Variants in PRAMEF15 observed in about 807,000 individuals in gnomAD.
PRAMEF15 encodes PRAME family member 9/15.
PRAMEF15 carries 21 observed loss-of-function variants against 35.3 expected under a neutral mutation model. The ratio of observed to expected loss-of-function variants is 0.59; its 90% CI spans 0.42 to 0.86. PRAMEF15 has a LOEUF of 0.86. Ranked by LOEUF, PRAMEF15 falls within the 40% of genes least tolerant of loss-of-function variation. The pLI, the probability that PRAMEF15 is intolerant of heterozygous loss-of-function variation, is 0.00. For missense variants in PRAMEF15, 360 were observed against 574.1 expected, an observed-to-expected ratio of 0.63 and a Z score of 3.81; for synonymous variants, 122 against 223.3, an observed-to-expected ratio of 0.55 and a Z score of 4.05.
chr1:13,319,228 G>A, intron 2 of PRAMEF15, 144 bp from the exon 3 acceptor site: 1 of 1,419,754 alleles, frequency 7.0e-7, no homozygotes, highest in South Asian at 1.3e-5. Context: ...GTGGAAGTGG[G>A]CAGGATCCAA....
chr1:13,319,303 T>C, intron 2 of PRAMEF15, 69 bp from the exon 3 acceptor site: 1 of 1,597,362 alleles, frequency 6.3e-7, no homozygotes, highest in Non-Finnish European at 8.5e-7. Flanking sequence ...GGAGCTGCTA[T>C]CCAGGATGTG....
At chr1:13,317,589 G>A (rs1297555472) in intron 1 of PRAMEF15, among the ~76,000 whole-genome samples, 27 of 151,986 alleles carry the variant, frequency 1.8e-4, no homozygotes, top group African/African-American at 5.8e-4. Context: ...ACAACATAGC[G>A]AAATCCACTG....
intron 1 of PRAMEF15, among the ~76,000 whole-genome samples, chr1:13,317,705 G>A (rs1329120771): frequency 6.6e-6 from 1 of 151,632 alleles, no homozygotes; most frequent in Non-Finnish European, 1.5e-5. Context: ...TGAGCTGGGA[G>A]GTCAAGGCTG....
chr1:13,321,433 T>G (rs1242702850), intron 3 of PRAMEF15, among the ~76,000 whole-genome samples: 4 of 151,630 alleles, frequency 2.6e-5, no homozygotes, highest in Admixed American at 1.3e-4. Context: ...CAGGCTGGTC[T>G]CAAACTCCTG....
chr1:13,316,546 G>A (rs1640007608), intron 1 of PRAMEF15, among the ~76,000 whole-genome samples: 1 of 151,946 alleles, frequency 6.6e-6, no homozygotes, highest in Admixed American at 6.6e-5. Context: ...TCCCAGCTAT[G>A]TGGAAGGCTG....
chr1:13,316,541 G>T (rs1285047557), intron 1 of PRAMEF15, among the ~76,000 whole-genome samples: 2 of 151,946 alleles, frequency 1.3e-5, no homozygotes, highest in Non-Finnish European at 2.9e-5. Flanking sequence ...TGTAGTCCCA[G>T]CTATGTGGAA....
rs1325909501 is a variant in PRAMEF15, at chr1:13,320,636, T to C, written c.875+683T>C. Among the ~76,000 whole-genome samples the C allele has an allele frequency of 7.4e-4, 112 of 151,400 alleles. 2 individuals carry two copies. Among genetic ancestry groups the C allele is most frequent in the African/African-American group, 2.5e-3 (101 of 41,114 alleles). ...ACAGGGTTTCACCATGTTGGCCAGGTTATTCTCCAACTCCTGACTTCAGGT... is the reference window on the plus strand; with the variant it reads ...ACAGGGTTTCACCATGTTGGCCAGGCTATTCTCCAACTCCTGACTTCAGGT... On this transcript the variant is annotated intron_variant, in intron 3 of 3. Coordinates refer to ENST00000376152, the MANE Select transcript of PRAMEF15 (RefSeq NM_001098376.3).
chr1:13,316,628 T>C (rs78360166), intron 1 of PRAMEF15, among the ~76,000 whole-genome samples: 247 of 151,854 alleles, frequency 1.6e-3, no homozygotes, highest in African/African-American at 5.1e-3. Context: ...GCATTCCAGC[T>C]TGGGCGACGA....
At chr1:13,320,379 C>A (rs1259638672) in intron 3 of PRAMEF15, among the ~76,000 whole-genome samples, 1 of 152,050 alleles carries the variant, frequency 6.6e-6, no homozygotes. Context: ...GGTAACATAC[C>A]AAGACCCCTG....
chr1:13,317,033 A>G (rs1407208976), intron 1 of PRAMEF15, among the ~76,000 whole-genome samples: 4 of 150,628 alleles, frequency 2.7e-5, no homozygotes, highest in Non-Finnish European at 1.5e-5. Flanking sequence ...AAAATCCAAT[A>G]AGGATTAACT....
At chr1:13,320,232 A>C (rs1640065078) in intron 3 of PRAMEF15, among the ~76,000 whole-genome samples, 1 of 152,006 alleles carries the variant, frequency 6.6e-6, no homozygotes, top group Non-Finnish European at 1.5e-5. Flanking sequence ...TGCCTTTCTG[A>C]ATTCTTCCTG....
Position 13,322,199 on chromosome 1 carries a change from G to A in PRAMEF15, c.1372G>A (p.Asp458Asn). The A allele has an allele frequency of 1.2e-6, 2 of 1,608,202 alleles. No homozygotes were observed. Among genetic ancestry groups the A allele is most frequent in the Non-Finnish European group, 1.7e-6 (2 of 1,178,686 alleles). ...CCCCAAGAGGATCTTGTTCTGTACT[G>A]ACTACTGCCCTGACTGTGGCAACAG... ...RHPKRILFCTDYCPDCGNRSF... is the reference protein window; with the variant it reads ...RHPKRILFCTNYCPDCGNRSF... The change falls in exon 4 of 4, where the codon GAC becomes AAC. Residue 458 changes from aspartate to asparagine, a missense_variant. By Grantham distance (23) the Asp-to-Asn change is conservative (BLOSUM62 1). Transcript: ENST00000376152.
chr1:13,321,683 T>A lies in PRAMEF15; in HGVS notation c.876-20T>A, dbSNP rs1640085471. 3.7e-6 allele frequency: 6 copies of A among 1,607,536 alleles called. No homozygotes were observed. The South Asian group carries it at 4.4e-5, about 12-fold the overall frequency. On this transcript the variant is annotated intron_variant, in intron 3 of 3. Transcript: ENST00000376152. ...ACCCCTATGATTCCCCAGAATTAAC[T>A]TCTTGCTCTCTCTCCCCAGCTGTCT...
intron 1 of PRAMEF15, 119 bp downstream of exon 1, chr1:13,315,777 A>G (rs1359453808): frequency 3.4e-5 from 4 of 118,600 alleles, no homozygotes; most frequent in Admixed American, 8.1e-5. Context: ...TTTTTTTTTT[A>G]TATGAACAAT....
chr1:13,321,176 T>A (rs1640078798), intron 3 of PRAMEF15, among the ~76,000 whole-genome samples: 1 of 150,534 alleles, frequency 6.6e-6, no homozygotes, highest in African/African-American at 2.5e-5. Context: ...TTCCTATAAA[T>A]GATGGTGAAG....
intron 1 of PRAMEF15, 84 bp from the exon 2 acceptor site, chr1:13,318,308 A>T: frequency 6.3e-7 from 1 of 1,591,286 alleles, no homozygotes; most frequent in Non-Finnish European, 8.6e-7. Flanking sequence ...TTGCCAGAGC[A>T]GTGAGTTTGG....
In PRAMEF15 at chr1:13,322,240, G is replaced by A; in HGVS notation, c.1413G>A (p.Leu471=). 1 of 1,596,872 alleles carries A rather than the reference G, an allele frequency of 6.3e-7. No individual in the cohort carries two copies. The highest frequency in any genetic ancestry group is 8.5e-7 in the Non-Finnish European group (1 of 1,170,472). The stretch of plus-strand genomic sequence containing the variant: ...GTGGCAACAGGTCATTTTATGACCT[G>A]GAGGCAGATCAATACTGCTGTTGAA... ...PDCGNRSFYD[L]EADQYCC The change falls in exon 4 of 4, where the codon CTG becomes CTA. Residue 471 remains leucine, a synonymous_variant. Coordinates refer to ENST00000376152, the MANE Select transcript of PRAMEF15 (RefSeq NM_001098376.3).
chr1:13,321,239 G>A (rs1237535613), intron 3 of PRAMEF15, among the ~76,000 whole-genome samples: 1 of 133,720 alleles, frequency 7.5e-6, no homozygotes, highest in Non-Finnish European at 1.6e-5. Context: ...TTTCAAAACA[G>A]AGTCTCTCTC....
chr1:13,322,416 G>C lies in PRAMEF15; in HGVS notation c.*152G>C. 1.4e-6 allele frequency: 1 copy of C among 694,452 alleles called. No homozygotes were observed. The highest frequency in any genetic ancestry group is 2.4e-6 in the Non-Finnish European group (1 of 419,728). The allele number at this position is 694,452 out of a possible 1,614,324, so 43.0% of individuals were successfully genotyped here. A position where few individuals can be genotyped will look rare whatever the true frequency, so the allele number is the denominator to read the frequency against. ...GGGAAAGGAAAGCTGATCAAGCAGG[G>C]GCCGGACTTGGGGGAAATGTTGCCA... On this transcript the variant is annotated 3_prime_UTR_variant, in exon 4 of 4. Transcript: ENST00000376152.
Sources: gnomAD v4.1 joint callset for allele counts (sites outside exome capture counted in the v4.1 genomes callset) on GRCh38, gnomAD v4.1.1 for gene constraint, MANE v1.5 for transcripts, NCBI Gene and HGNC (gene_info 2026-07-23, HGNC 2026-07-21) for gene names.